The following NEGR1 variants were observed in gnomAD, a reference collection of about 807,000 sequenced individuals.
NEGR1 encodes IgLON family member 4.
NEGR1 carries 10 observed loss-of-function variants against 40.9 expected under a neutral mutation model. The ratio of observed to expected loss-of-function variants is 0.24; its 90% confidence interval spans 0.15 to 0.42. The LOEUF is 0.42. Among genes scored for constraint, NEGR1 ranks in the 10% least tolerant of loss-of-function variants. The pLI is 1.00. For missense variants in NEGR1, 352 were observed against 438.9 expected (o/e 0.80, Z 1.77); for synonymous variants, 185 against 166.8 (o/e 1.11, Z -0.84).
intron 1 of NEGR1, among the ~76,000 whole-genome samples, chr1:72,022,520 ACATATATATAATT>A (rs1646770197): frequency 6.7e-6 from 1 of 150,012 alleles, no homozygotes; most frequent in Non-Finnish European, 1.5e-5. Context: ...ACATCTACAC[ACATATATATAATT>A]CATATATATA....
chr1:71,796,555 G>A (rs1369936671), intron 2 of NEGR1, among the ~76,000 whole-genome samples: 1 of 152,124 alleles, frequency 6.6e-6, no homozygotes, highest in African/African-American at 2.4e-5. Flanking sequence ...TGGTGACCAA[G>A]GTTTTTTGTT....
At chr1:71,898,961 T>G (rs1661057620) in intron 2 of NEGR1, among the ~76,000 whole-genome samples, 1 of 84,696 alleles carries the variant, frequency 1.2e-5, no homozygotes, top group Non-Finnish European at 2.3e-5. Context: ...TATATATATA[T>G]AGCATATATA....
At position 71,961,037 on chromosome 1, in the gene NEGR1, A is replaced by G. The variant is rs1388158197; in HGVS notation, c.177-25726T>C. On this transcript the variant is annotated intron_variant, in intron 1 of 6. Transcript: ENST00000357731. The stretch of plus-strand genomic sequence containing the variant: ...AAATAAATTATTATAGCAACTACGT[A>G]TCAGACTTTTAACAAATACACTCAC... Among the ~76,000 whole-genome samples, 3 of 152,180 alleles carry G rather than the reference A, an allele frequency of 2.0e-5. No homozygotes were observed. The East Asian group carries it at 5.8e-4, about 29-fold the overall frequency.
intron 1 of NEGR1, among the ~76,000 whole-genome samples, chr1:72,229,383 G>A (rs576492380): frequency 2.7e-5 from 4 of 147,426 alleles, no homozygotes; most frequent in African/African-American, 9.8e-5. Context: ...ATAATATTTT[G>A]ATTTTAAATG....
chr1:72,273,500 C>A (rs1022703418), intron 1 of NEGR1, among the ~76,000 whole-genome samples: 4 of 151,886 alleles, frequency 2.6e-5, no homozygotes, highest in Admixed American at 6.6e-5. Flanking sequence ...AACCACATTT[C>A]AAAATCTTAC....
chr1:71,435,873 C>A (rs1416057317), intron 6 of NEGR1, among the ~76,000 whole-genome samples: 1 of 152,176 alleles, frequency 6.6e-6, no homozygotes, highest in African/African-American at 2.4e-5. Context: ...ACCCAGAACT[C>A]CATGAGTTCA....
chr1:71,901,196 A>G (rs1434714382), intron 2 of NEGR1, among the ~76,000 whole-genome samples: 5 of 152,176 alleles, frequency 3.3e-5, no homozygotes, highest in African/African-American at 1.2e-4. Context: ...TTTTCATTCT[A>G]TATAGTTAGT....
At chr1:71,630,514 C>T (rs1650938555) in intron 4 of NEGR1, among the ~76,000 whole-genome samples, 1 of 151,856 alleles carries the variant, frequency 6.6e-6, no homozygotes, top group Admixed American at 6.6e-5. Context: ...CATCTGAAAG[C>T]TCTCTCCAAT....
chr1:71,452,813 A>T (rs1364601722), intron 6 of NEGR1, among the ~76,000 whole-genome samples: 1 of 15,398 alleles, frequency 6.5e-5, no homozygotes, highest in Non-Finnish European at 3.6e-3. Flanking sequence ...AACAAAAAAA[A>T]ACCAAAAAAA....
intron 1 of NEGR1, among the ~76,000 whole-genome samples, chr1:72,224,107 A>G (rs1168668289): frequency 1.3e-5 from 2 of 152,122 alleles, no homozygotes; most frequent in Non-Finnish European, 2.9e-5. Flanking sequence ...GAAGATTAGA[A>G]AACTATTGTA....
At chr1:72,164,078 C>A (rs1651687428) in intron 1 of NEGR1, among the ~76,000 whole-genome samples, 1 of 151,364 alleles carries the variant, frequency 6.6e-6, no homozygotes. Flanking sequence ...AAGGAGGCTT[C>A]CATCAGTAAG....
At chr1:72,076,147 A>G (rs1647722891) in intron 1 of NEGR1, among the ~76,000 whole-genome samples, 1 of 152,162 alleles carries the variant, frequency 6.6e-6, no homozygotes, top group Non-Finnish European at 1.5e-5. Context: ...TATGCAATGG[A>G]CTGAATATTT....
intron 1 of NEGR1, among the ~76,000 whole-genome samples, chr1:71,937,648 T>G (rs1392677116): frequency 6.6e-6 from 1 of 152,190 alleles, no homozygotes; most frequent in Non-Finnish European, 1.5e-5. Context: ...CAACATCCTT[T>G]CCACTGTAAT....
chr1:72,168,767 G>T (rs993692804), intron 1 of NEGR1, among the ~76,000 whole-genome samples: 2 of 152,126 alleles, frequency 1.3e-5, no homozygotes, highest in African/African-American at 4.8e-5. Flanking sequence ...AGGTGTGGTG[G>T]CTTGCGCCTG....
At chr1:71,682,489 A>G (rs935474952) in intron 4 of NEGR1, among the ~76,000 whole-genome samples, 2 of 152,228 alleles carry the variant, frequency 1.3e-5, no homozygotes, top group Non-Finnish European at 2.9e-5. Context: ...ATTCATATAC[A>G]GAGTTATTTT....
chr1:71,800,458 C>G (rs559778691), intron 2 of NEGR1, among the ~76,000 whole-genome samples: 1 of 152,122 alleles, frequency 6.6e-6, no homozygotes, highest in South Asian at 2.1e-4. Flanking sequence ...CTAGGTTTTC[C>G]TCTAGGGTTT....
intron 1 of NEGR1, among the ~76,000 whole-genome samples, chr1:72,073,643 CTA>C (rs1256264763): frequency 3.3e-5 from 5 of 151,958 alleles, no homozygotes; most frequent in Non-Finnish European, 7.4e-5. Context: ...CTTTCTTAAA[CTA>C]TGTCAATAAT....
chr1:71,413,516 T>G (rs529957984), intron 6 of NEGR1, among the ~76,000 whole-genome samples: 6 of 152,230 alleles, frequency 3.9e-5, no homozygotes, highest in Non-Finnish European at 8.8e-5. Context: ...TTGGGAGGAT[T>G]TTTATTTAAT....
intron 6 of NEGR1, among the ~76,000 whole-genome samples, chr1:71,487,759 A>G (rs1646898002): frequency 6.6e-6 from 1 of 151,766 alleles, no homozygotes; most frequent in African/African-American, 2.4e-5. Context: ...TTTAGTAAAA[A>G]GGAGTAAATC....
Sources: allele counts gnomAD v4.1 joint callset (sites outside exome capture counted in the v4.1 genomes callset), GRCh38; gene constraint gnomAD v4.1.1; transcripts MANE v1.5; gene names NCBI Gene and HGNC (gene_info 2026-07-23, HGNC 2026-07-21).